Variants in DPH6 observed in about 807,000 individuals in gnomAD.
The protein encoded by DPH6 is diphthamine biosynthesis 6, also known as diphthine--ammonia ligase.
A neutral mutation model predicts 38.2 loss-of-function variants in DPH6; 33 were observed. The ratio of observed to expected loss-of-function variants is 0.86; its 90% CI spans 0.65 to 1.15. The LOEUF is 1.15. Among genes scored for constraint, DPH6 ranks in the 50% most tolerant of loss-of-function variants. The pLI, the probability that DPH6 is intolerant of heterozygous loss-of-function variation, is 0.00. For synonymous variants in DPH6, 108 were observed against 103.0 expected (o/e 1.05, Z -0.30); for missense variants, 325 against 320.0 (o/e 1.02, Z -0.12).
At chr15:35,366,548 T>C (rs958450270), downstream of DPH6, among the ~76,000 whole-genome samples, 5 of 151,940 alleles carry the variant, frequency 3.3e-5, no homozygotes, top group Non-Finnish European at 2.9e-5. Context: ...ATTACAGATA[T>C]ATAAAGAATT....
intron 3 of DPH6, among the ~76,000 whole-genome samples, chr15:35,516,733 TCTCA>T (rs2054852843): frequency 6.6e-6 from 1 of 152,262 alleles, no homozygotes; most frequent in African/African-American, 2.4e-5. Flanking sequence ...ATTTTTTTGG[TCTCA>T]CTCACTCACA....
At chr15:35,448,163 T>C (rs1052586415) in intron 5 of DPH6, among the ~76,000 whole-genome samples, 1 of 152,142 alleles carries the variant, frequency 6.6e-6, no homozygotes. Flanking sequence ...CTCTAGTAAA[T>C]ACCATTAGTG....
intron 3 of DPH6, among the ~76,000 whole-genome samples, chr15:35,467,953 A>G (rs2054148760): frequency 1.3e-5 from 2 of 152,216 alleles, no homozygotes. Flanking sequence ...TTCCATTATA[A>G]TCTTACGGAA....
chr15:35,397,243 G>T (rs1032977013), intron 6 of DPH6, among the ~76,000 whole-genome samples: 1 of 152,168 alleles, frequency 6.6e-6, no homozygotes, highest in African/African-American at 2.4e-5. Context: ...GTTTACCTTT[G>T]ACTCAAGGCT....
At chr15:35,284,118 T>C (rs11639280) in intron 3 of DPH6, among the ~76,000 whole-genome samples, 57,626 of 152,082 alleles carry the variant, frequency 0.38, 12,897 homozygotes, top group East Asian at 0.63. Context: ...CTGATCATCT[T>C]CCACAGTCAA....
At chr15:35,436,559 G>A (rs1422416682) in intron 5 of DPH6, among the ~76,000 whole-genome samples, 1 of 149,982 alleles carries the variant, frequency 6.7e-6, no homozygotes, top group Non-Finnish European at 1.5e-5. Flanking sequence ...CAGCCTGGGT[G>A]ACAGAAAGAG....
the DPH6 span, among the ~76,000 whole-genome samples, chr15:35,176,926 T>A: frequency 6.6e-6 from 1 of 152,248 alleles, no homozygotes; most frequent in African/African-American, 2.4e-5. Flanking sequence ...TCTGCATTTC[T>A]AAGACATATG....
chr15:35,343,432 C>T (rs766848466), intron 3 of DPH6, among the ~76,000 whole-genome samples: 1 of 151,960 alleles, frequency 6.6e-6, no homozygotes, highest in Admixed American at 6.6e-5. Context: ...TAAATAATCA[C>T]CCTAATGTAT....
At chr15:35,237,043 T>A in intron 3 of DPH6, 1 of 430,350 alleles carries the variant, frequency 2.3e-6, no homozygotes, top group East Asian at 4.5e-5. Context: ...ACATCATGAC[T>A]GTTTTTCTTG....
At chr15:35,529,454 C>A (rs1486426085) in intron 3 of DPH6, among the ~76,000 whole-genome samples, 3 of 152,166 alleles carry the variant, frequency 2.0e-5, no homozygotes, top group South Asian at 2.1e-4. Context: ...CTGGGAATCA[C>A]AACTTGACAT....
At position 35,512,504 on chromosome 15, in the gene DPH6, T is replaced by C. The variant is rs139765226; in HGVS notation, c.312+25770A>G. Among the ~76,000 whole-genome samples, 132 of 152,284 alleles carry C rather than the reference T, an allele frequency of 8.7e-4. 2 individuals carry two copies. The East Asian group carries it at 0.023, about 27-fold the overall frequency. On this transcript the variant is annotated intron_variant, in intron 3 of 8. Transcript: ENST00000256538. ...CACACGAGGCCACTGGTCATCGATC[T>C]ACTTTAGCCCCCTTAAATCCCTGGA... is the stretch of plus-strand genomic sequence containing the variant.
chr15:35,196,047 C>A, the DPH6 span, among the ~76,000 whole-genome samples: 3 of 152,188 alleles, frequency 2.0e-5, no homozygotes, highest in South Asian at 4.2e-4. Flanking sequence ...AAATGCAAGT[C>A]TTGATAAAAT....
chr15:35,507,068 G>C (rs1390751257), intron 3 of DPH6, among the ~76,000 whole-genome samples: 2 of 151,990 alleles, frequency 1.3e-5, no homozygotes, highest in African/African-American at 4.8e-5. Flanking sequence ...TAATTTTAAA[G>C]TACAAACAAA....
intron 3 of DPH6, among the ~76,000 whole-genome samples, chr15:35,363,712 TTTTC>T (rs1279350593): frequency 1.3e-5 from 2 of 152,158 alleles, no homozygotes; most frequent in Non-Finnish European, 2.9e-5. Context: ...GTTTTGCCTT[TTTTC>T]TTTTTCTATT....
the DPH6 span, among the ~76,000 whole-genome samples, chr15:35,175,885 T>C: frequency 1.3e-5 from 2 of 152,196 alleles, no homozygotes; most frequent in African/African-American, 4.8e-5. Flanking sequence ...GGCCATTTCG[T>C]TGGCCCAGGG....
intron 3 of DPH6, among the ~76,000 whole-genome samples, chr15:35,486,853 C>G (rs997113837): frequency 6.6e-6 from 1 of 152,110 alleles, no homozygotes; most frequent in African/African-American, 2.4e-5. Context: ...GCCTATGAGC[C>G]TGTAAAATAA....
rs1002457643 is a variant in DPH6, at chr15:35,531,010, G to C, written c.312+7264C>G. ...GGCTTGAGGCAAGCTGTGCAGTTCT[G>C]AGGAGCCAGGAGCAATTTGTACAGG... On this transcript the variant is annotated intron_variant, in intron 3 of 8. Transcript: ENST00000256538. Among the ~76,000 whole-genome samples, 3 of 152,146 alleles carry C rather than the reference G, an allele frequency of 2.0e-5. No individual in the cohort carries two copies. In the South Asian group the frequency reaches 6.2e-4, roughly 32 times the overall value.
chr15:35,337,467 C>T (rs2140872228), intron 3 of DPH6, among the ~76,000 whole-genome samples: 1 of 152,240 alleles, frequency 6.6e-6, no homozygotes, highest in South Asian at 2.1e-4. Context: ...AGGAATCCAA[C>T]TTACAAGGGA....
intron 3 of DPH6, among the ~76,000 whole-genome samples, chr15:35,268,119 G>A (rs971876381): frequency 2.0e-5 from 3 of 151,800 alleles, no homozygotes; most frequent in Non-Finnish European, 4.4e-5. Context: ...GCAGTGAGCC[G>A]AGATTGTGCC....
Sources: allele counts gnomAD v4.1 joint callset (sites outside exome capture counted in the v4.1 genomes callset), GRCh38; gene constraint gnomAD v4.1.1; transcripts MANE v1.5; gene names NCBI Gene and HGNC (gene_info 2026-07-23, HGNC 2026-07-21).